RNF31: variants seen among roughly 807,000 people sequenced by gnomAD.
RNF31 encodes the protein ring finger protein 31, also known as E3 ubiquitin-protein ligase RNF31.
RNF31 carries 38 observed loss-of-function variants against 133.6 expected under a neutral mutation model. The observed-to-expected ratio is 0.28, with a 90% confidence interval of 0.22 to 0.37. RNF31 has a LOEUF of 0.37. Ranked by LOEUF, RNF31 falls within the 10% of genes least tolerant of loss-of-function variation. The pLI, the probability that RNF31 is intolerant of heterozygous loss-of-function variation, is 1.00. For missense variants in RNF31, 1,118 were observed against 1,394.1 expected (o/e 0.80, Z 3.15); for synonymous variants, 582 against 552.3 (o/e 1.05, Z -0.75).
chr14:24,159,319 T>G (rs920637071), intron 18 of RNF31, among the ~76,000 whole-genome samples: 1 of 128,090 alleles, frequency 7.8e-6, no homozygotes, highest in Non-Finnish European at 1.6e-5. Context: ...TGCACTCCAG[T>G]CCAGCCTGGG....
chr14:24,159,707 C>T (rs979075416), intron 18 of RNF31, 157 bp from the exon 19 acceptor site: 1 of 621,996 alleles, frequency 1.6e-6, no homozygotes, highest in African/African-American at 1.8e-5. Context: ...CCGTTGACGG[C>T]ACCTCTGAGT....
At position 24,155,753 on chromosome 14, in the gene RNF31, CT is replaced by C; in HGVS notation, c.2493+62del. 1.4e-6 allele frequency: 2 copies of C among 1,474,506 alleles called. No individual in the cohort carries two copies. The highest frequency in any genetic ancestry group is 1.9e-6 in the Non-Finnish European group (2 of 1,057,356). The allele number at this position is 1,474,506 out of a possible 1,614,324, so 91.3% of individuals were successfully genotyped here. A position where few individuals can be genotyped will look rare whatever the true frequency, so the allele number is the denominator to read the frequency against. On this transcript the variant is annotated intron_variant, in intron 14 of 20. Coordinates refer to ENST00000324103, the MANE Select transcript of RNF31 (RefSeq NM_017999.5). This position sits in a 1 kb window ranked among gnomAD's most constrained non-coding sequence, Gnocchi z 4.9. ...AGCTACTGCCAGGTACTGTGTTAGA[CT>C]CAGGGGAGTTTGTGTACTGGAGAGC...
chr14:24,159,713 T>C (rs936273278), intron 18 of RNF31, 151 bp from the exon 19 acceptor site: 38 of 646,314 alleles, frequency 5.9e-5, no homozygotes, highest in Non-Finnish European at 1.0e-4. Flanking sequence ...ACGGCACCTC[T>C]GAGTACCCAC....
In RNF31 at chr14:24,158,181, G is replaced by T. The variant is rs1421715806; in HGVS notation, c.2881G>T (p.Ala961Ser). The change falls in exon 18 of 21, where the codon GCC becomes TCC. Residue 961 changes from alanine (A) to serine (S), a missense_variant. This residue lies in a region of RNF31 where 170 missense variants were observed against 194.5 expected (regional missense o/e 0.87). Coordinates refer to ENST00000324103, the MANE Select transcript of RNF31 (RefSeq NM_017999.5). ...GTTTAATACAGAGCCTCCAGCTGGGGCCCGGGCAGTCCCTGGAGGTGAGTG... is the reference window on the plus strand; with the variant it reads ...GTTTAATACAGAGCCTCCAGCTGGGTCCCGGGCAGTCCCTGGAGGTGAGTG... The part of the protein sequence containing the change: ...VMFNTEPPAG[A>S]RAVPGGGCRV... 1.2e-6 allele frequency: 2 copies of T among 1,614,210 alleles called. No individual in the cohort carries two copies. The highest frequency in any genetic ancestry group is 2.2e-5 in the South Asian group (2 of 91,082).
Position 24,155,241 on chromosome 14 carries a change from A to G in RNF31, c.2215A>G (p.Ile739Val). The change falls in exon 12 of 21, where the codon ATC becomes GTC. Residue 739 changes from isoleucine to valine, a missense_variant. By Grantham distance (29) the Ile-to-Val change is conservative. This residue lies in a region of RNF31 where 201 missense variants were observed against 371.7 expected (regional missense o/e 0.54). Transcript: ENST00000324103. This position sits in a 1 kb window ranked among gnomAD's most constrained non-coding sequence, Gnocchi z 4.9. ...CACCATCGCCTTGAAGGAGAAGCAC[A>G]TCACAGACATGGTGTGCCCTGCCTG... The part of the protein sequence containing the change: ...HFTIALKEKH[I>V]TDMVCPACGR... 6.2e-7 allele frequency: 1 copy of G among 1,614,138 alleles called. No homozygotes were observed. The highest frequency in any genetic ancestry group is 8.5e-7 in the Non-Finnish European group (1 of 1,180,028).
Position 24,160,271 on chromosome 14 carries a change from T to C in RNF31, c.3029T>C (p.Ile1010Thr). Reference protein sequence around the residue: ...AHYKEYLVSLINAHSLDPATL... With the variant: ...AHYKEYLVSLTNAHSLDPATL... ...TACAAAGAGTATCTTGTGAGCCTCATCAATGCCCACTCGCTGGACCCAGCC... is the reference window on the plus strand; with the variant it reads ...TACAAAGAGTATCTTGTGAGCCTCACCAATGCCCACTCGCTGGACCCAGCC... Residue 1010 changes from isoleucine (I) to threonine (T), a missense_variant, in exon 20 of 21, where the codon ATC becomes ACC. Transcript: ENST00000324103. The surrounding 1 kb of genome is among the most constrained non-coding windows in gnomAD (Gnocchi z 4.0). 1 of 1,614,068 alleles carries C rather than the reference T, an allele frequency of 6.2e-7. No individual in the cohort carries two copies.
At position 24,151,059 on chromosome 14, in the gene RNF31, ACT is replaced by A. The variant is rs2038257855; in HGVS notation, c.1489-71_1489-70del. ...ATGATCCATATGTCTGAGCTGAGCC[ACT>A]GTCACCATCTTAGTTCAGGCTGAGG... On this transcript the variant is annotated intron_variant, in intron 8 of 20. Transcript: ENST00000324103. The surrounding 1 kb of genome is among the most constrained non-coding windows in gnomAD (Gnocchi z 5.3). 6 of 1,591,292 alleles carry A rather than the reference ACT, an allele frequency of 3.8e-6. No individual in the cohort carries two copies. Among genetic ancestry groups the A allele is most frequent in the Non-Finnish European group, 5.1e-6 (6 of 1,166,852 alleles).
intron 14 of RNF31, among the ~76,000 whole-genome samples, chr14:24,157,069 T>C (rs1251449055): frequency 6.6e-6 from 1 of 151,908 alleles, no homozygotes; most frequent in Non-Finnish European, 1.5e-5. Flanking sequence ...GGGGATATGG[T>C]TGAGATGGTC....
chr14:24,152,953 C>T (rs1427115902), intron 11 of RNF31, among the ~76,000 whole-genome samples: 1 of 151,856 alleles, frequency 6.6e-6, no homozygotes, highest in Non-Finnish European at 1.5e-5. Flanking sequence ...TGGTGGCAGG[C>T]GCCTGTAGTC....
upstream of RNF31, chr14:24,147,436 C>T (rs2038183785): frequency 8.6e-6 from 3 of 349,748 alleles, no homozygotes; most frequent in Middle Eastern, 7.6e-4. Context: ...TGACACCGCT[C>T]CAACCTTAAC....
Position 24,147,843 on chromosome 14 carries a change from C to T in RNF31, c.145C>T (p.Leu49=), listed in dbSNP as rs12895888. The T allele has an allele frequency of 6.2e-7, 1 of 1,610,050 alleles. No individual in the cohort carries two copies. Among genetic ancestry groups the T allele is most frequent in the South Asian group, 1.1e-5 (1 of 90,886 alleles). Residue 49 remains leucine (L), a synonymous_variant, in exon 1 of 21, where the codon CTG becomes TTG. Coordinates refer to ENST00000324103, the MANE Select transcript of RNF31 (RefSeq NM_017999.5). ...CTCTCTGCCGCTAGCCGCCCGCTAC[C>T]TGCAGCTGGACGCCGCACGCCTTGT... ...ASSLPLAARY[L]QLDAARLVRC...
chr14:24,159,080 C>T (rs1413394381), intron 18 of RNF31, among the ~76,000 whole-genome samples: 2 of 147,122 alleles, frequency 1.4e-5, no homozygotes, highest in Non-Finnish European at 3.0e-5. Context: ...CACGGTGGCT[C>T]ATGCCTGTAA....
chr14:24,150,330 C>T lies in RNF31; in HGVS notation c.1079C>T (p.Thr360Ile). Residue 360 changes from threonine (T) to isoleucine (I), a missense_variant, in exon 7 of 21, where the codon ACC becomes ATC. Transcript: ENST00000324103. Reference sequence around the variant, plus strand: ...GGTCGGTGGGCCTGCCAGAGCTGTACCTTTGAGAATGAGGCAGCTGCTGTG... The same window carrying T: ...GGTCGGTGGGCCTGCCAGAGCTGTATCTTTGAGAATGAGGCAGCTGCTGTG... ...ARGRWACQSC[T>I]FENEAAAVLC... 1.9e-6 allele frequency: 3 copies of T among 1,614,122 alleles called. No homozygotes were observed. The highest frequency in any genetic ancestry group is 2.5e-6 in the Non-Finnish European group (3 of 1,180,016).
At position 24,155,679 on chromosome 14, in the gene RNF31, G is replaced by A. The variant is rs377035972; in HGVS notation, c.2480G>A (p.Arg827His). The change falls in exon 14 of 21, where the codon CGC becomes CAC. Residue 827 changes from arginine to histidine, a missense_variant. Arg to His is a conservative substitution (Grantham distance 29). Around this residue, in one of 3 missense-constraint regions of RNF31, gnomAD observed 201 missense variants for 371.7 expected, o/e 0.54. Coordinates refer to ENST00000324103, the MANE Select transcript of RNF31 (RefSeq NM_017999.5). The surrounding 1 kb of genome is among the most constrained non-coding windows in gnomAD (Gnocchi z 4.9). ...CPQCHQTFCV[R>H]CKRQWEEQHR... ...CAGTGTCACCAGACCTTCTGTGTGC[G>A]CTGCAAGCGCCAGGTGAGGCACATT... is the stretch of plus-strand genomic sequence containing the variant. 1.1e-4 allele frequency: 181 copies of A among 1,613,792 alleles called. No homozygotes were observed. Among genetic ancestry groups the A allele is most frequent in the South Asian group, 1.8e-4 (16 of 91,082 alleles).
chr14:24,155,234 G>A lies in RNF31; in HGVS notation c.2208G>A (p.Glu736=). The A allele has an allele frequency of 1.2e-6, 2 of 1,614,120 alleles. No homozygotes were observed. The highest frequency in any genetic ancestry group is 1.1e-5 in the South Asian group (1 of 91,084). ...AGCACTTCACCATCGCCTTGAAGGAGAAGCACATCACAGACATGGTGTGCC... is the reference window on the plus strand; with the variant it reads ...AGCACTTCACCATCGCCTTGAAGGAAAAGCACATCACAGACATGGTGTGCC... ...FRQHFTIALK[E]KHITDMVCPA... The change falls in exon 12 of 21, where the codon GAG becomes GAA. Residue 736 remains glutamate, a synonymous_variant. Transcript: ENST00000324103. This position sits in a 1 kb window ranked among gnomAD's most constrained non-coding sequence, Gnocchi z 4.9.
At chr14:24,154,457 T>C (rs2038313207) in intron 11 of RNF31, among the ~76,000 whole-genome samples, 1 of 152,158 alleles carries the variant, frequency 6.6e-6, no homozygotes, top group South Asian at 2.1e-4. Flanking sequence ...TTTGTATTTT[T>C]AGTAGAGACA....
In RNF31 at chr14:24,157,503, C is replaced by T. The variant is rs2139090820; in HGVS notation, c.2609-17C>T. The T allele has an allele frequency of 1.1e-5, 17 of 1,611,970 alleles. No homozygotes were observed. Among genetic ancestry groups the T allele is most frequent in the Non-Finnish European group, 1.4e-5 (16 of 1,177,976 alleles). On this transcript the variant is annotated splice_polypyrimidine_tract_variant and intron_variant, in intron 15 of 20. Coordinates refer to ENST00000324103, the MANE Select transcript of RNF31 (RefSeq NM_017999.5). ...GTTGCAGCGGCAGCTCCAGCCCTGA[C>T]CTCTTGTCCTTTGCAGACTGCCCCA...
chr14:24,147,468 C>A (rs1362532871), upstream of RNF31: 3 of 391,474 alleles, frequency 7.7e-6, no homozygotes, highest in East Asian at 1.2e-4. Flanking sequence ...CCCGTTCCTC[C>A]GAAATTGGGT....
rs755875202 is a variant in RNF31 at position 24,147,848 on chromosome 14, G to A, written c.150G>A (p.Gln50=). Residue 50 remains glutamine, a synonymous_variant, in exon 1 of 21, where the codon CAG becomes CAA. Transcript: ENST00000324103. ...SSLPLAARYL[Q]LDAARLVRCN... ...TGCCGCTAGCCGCCCGCTACCTGCA[G>A]CTGGACGCCGCACGCCTTGTCCGCT... is the stretch of plus-strand genomic sequence containing the variant. The A allele has an allele frequency of 1.2e-6, 2 of 1,610,188 alleles. No homozygotes were observed. The highest frequency in any genetic ancestry group is 1.1e-5 in the South Asian group (1 of 90,930).
Sources: gnomAD v4.1 joint callset for allele counts (sites outside exome capture counted in the v4.1 genomes callset) on GRCh38, gnomAD v4.1.1 for gene constraint, gnomAD v4.1.1 regional missense constraint, Gnocchi (gnomAD v3.1) non-coding constraint, MANE v1.5 for transcripts, NCBI Gene and HGNC (gene_info 2026-07-23, HGNC 2026-07-21) for gene names.